Variants in NAALADL2 observed in about 807,000 individuals in gnomAD.
The protein encoded by NAALADL2 is N-acetylated alpha-linked acidic dipeptidase like 2, also known as inactive N-acetylated-alpha-linked acidic dipeptidase-like protein 2.
NAALADL2 carries 76 observed loss-of-function variants against 87.2 expected under a neutral mutation model. The ratio of observed to expected loss-of-function variants is 0.87; its 90% CI spans 0.72 to 1.05. The LOEUF (loss-of-function observed/expected upper bound fraction) is 1.05, where lower values mean the gene tolerates loss of function less well. NAALADL2 is among the 50% of genes least tolerant of loss of function. The pLI, the probability that NAALADL2 is intolerant of heterozygous loss-of-function variation, is 0.00. For synonymous variants in NAALADL2, 354 were observed against 331.0 expected, an observed-to-expected ratio of 1.07 and a Z score of -0.75; for missense variants, 1,089 against 945.8, an observed-to-expected ratio of 1.15 and a Z score of -1.99.
chr3:175,037,769 G>T (rs930594819), intron 1 of NAALADL2, among the ~76,000 whole-genome samples: 2 of 152,046 alleles, frequency 1.3e-5, no homozygotes, highest in African/African-American at 2.4e-5. Flanking sequence ...TAGTTCTAAG[G>T]GGGTGGCTGG....
At chr3:175,469,247 G>A (rs1724533281) in intron 8 of NAALADL2, among the ~76,000 whole-genome samples, 1 of 152,048 alleles carries the variant, frequency 6.6e-6, no homozygotes, top group South Asian at 2.1e-4. Context: ...AATTCATGAA[G>A]CCATTTTGTA....
At chr3:175,156,287 T>C (rs985821056) in intron 2 of NAALADL2, among the ~76,000 whole-genome samples, 1 of 124,896 alleles carries the variant, frequency 8.0e-6, no homozygotes, top group African/African-American at 2.6e-5. Flanking sequence ...GCATGTTAGA[T>C]TTCATGTTCT....
chr3:175,803,304 C>CT lies in NAALADL2; in HGVS notation c.*106dup, dbSNP rs2108362091. 4.2e-6 allele frequency: 3 copies of CT among 708,388 alleles called. No individual in the cohort carries two copies. The highest frequency in any genetic ancestry group is 2.9e-4 in the Middle Eastern group (1 of 3,488). 43.9% of individuals were successfully genotyped at this position (708,388 alleles called of 1,614,324 possible). A position where few individuals can be genotyped will look rare whatever the true frequency, so the allele number is the denominator to read the frequency against. Reference sequence around the variant, plus strand: ...ATTGAAGGCTTATTTTCCCCAATGGCTTTTTGACAAGTATAAAGCTATTAT... The same window carrying CT: ...ATTGAAGGCTTATTTTCCCCAATGGCTTTTTTGACAAGTATAAAGCTATTAT... On this transcript the variant is annotated 3_prime_UTR_variant, in exon 14 of 14. Transcript: ENST00000454872.
intron 2 of NAALADL2, among the ~76,000 whole-genome samples, chr3:175,118,844 A>G (rs1307619461): frequency 6.6e-6 from 1 of 151,720 alleles, no homozygotes; most frequent in African/African-American, 2.4e-5. Context: ...GGGGCTTCTT[A>G]GACTCAAAAT....
intron 5 of NAALADL2, among the ~76,000 whole-genome samples, chr3:175,329,735 T>C (rs146816029): frequency 1.6e-4 from 25 of 152,340 alleles, no homozygotes; most frequent in Admixed American, 1.6e-3. Context: ...TTCAACTTGA[T>C]TCTTAGAACC....
At chr3:174,556,067 C>T (rs1712778703) in intron 2 of NAALADL2, among the ~76,000 whole-genome samples, 1 of 151,546 alleles carries the variant, frequency 6.6e-6, no homozygotes, top group Non-Finnish European at 1.5e-5. Flanking sequence ...TTCATACATA[C>T]AGATATAGAT....
intron 9 of NAALADL2, among the ~76,000 whole-genome samples, chr3:175,555,061 T>C (rs1715036483): frequency 1.3e-5 from 2 of 152,220 alleles, no homozygotes; most frequent in African/African-American, 4.8e-5. Flanking sequence ...AGATTGCAAG[T>C]ACTTTCCAAG....
intron 2 of NAALADL2, among the ~76,000 whole-genome samples, chr3:174,735,366 C>T (rs1733096013): frequency 6.6e-6 from 1 of 152,138 alleles, no homozygotes; most frequent in African/African-American, 2.4e-5. Context: ...TTTCTGTTTT[C>T]ATTCTAATTT....
intron 4 of NAALADL2, among the ~76,000 whole-genome samples, chr3:175,293,126 G>A (rs1755876737): frequency 6.6e-6 from 1 of 151,400 alleles, no homozygotes; most frequent in African/African-American, 2.4e-5. Flanking sequence ...AAGTCTAGTA[G>A]GGGAAGATAT....
At chr3:174,527,946 C>A (rs1277866597) in intron 1 of NAALADL2, among the ~76,000 whole-genome samples, 1 of 152,112 alleles carries the variant, frequency 6.6e-6, no homozygotes, top group African/African-American at 2.4e-5. Context: ...TGGCTCAACA[C>A]CAGTTTTGGT....
At chr3:175,745,390 G>T (rs1745784587) in intron 12 of NAALADL2, among the ~76,000 whole-genome samples, 1 of 152,140 alleles carries the variant, frequency 6.6e-6, no homozygotes, top group Admixed American at 6.6e-5. Context: ...GAATACAGTT[G>T]TCCCTCAGTA....
intron 2 of NAALADL2, among the ~76,000 whole-genome samples, chr3:174,722,831 T>C (rs1338109791): frequency 6.6e-6 from 1 of 152,224 alleles, no homozygotes; most frequent in African/African-American, 2.4e-5. Flanking sequence ...AAAAACAACA[T>C]AATTACCTTG....
intron 11 of NAALADL2, among the ~76,000 whole-genome samples, chr3:175,695,932 T>C (rs1226280855): frequency 6.6e-6 from 1 of 152,106 alleles, no homozygotes; most frequent in African/African-American, 2.4e-5. Flanking sequence ...TAGAAAAGGA[T>C]GAAGCTGATA....
rs540670037 is a variant in NAALADL2 at position 174,863,223 on chromosome 3, G to T, written c.43+3773G>T. Among the ~76,000 whole-genome samples the T allele has an allele frequency of 4.6e-5, 7 of 152,204 alleles. No individual in the cohort carries two copies. The South Asian group carries it at 1.5e-3, about 32-fold the overall frequency. ...TAACCTGCTGCTCAAAACTGCGTTTGCTGCAGTTTTACGGAAGAATTTGGT... is the reference window on the plus strand; with the variant it reads ...TAACCTGCTGCTCAAAACTGCGTTTTCTGCAGTTTTACGGAAGAATTTGGT... On this transcript the variant is annotated intron_variant, in intron 1 of 13. Coordinates refer to ENST00000454872, the MANE Select transcript of NAALADL2 (RefSeq NM_207015.3).
chr3:175,070,118 T>A (rs556575380), intron 1 of NAALADL2, among the ~76,000 whole-genome samples: 1 of 150,794 alleles, frequency 6.6e-6, no homozygotes, highest in Non-Finnish European at 1.5e-5. Context: ...CATATGTAAC[T>A]AACCTGCACA....
intron 11 of NAALADL2, among the ~76,000 whole-genome samples, chr3:175,645,231 C>T (rs1729835408): frequency 6.6e-6 from 1 of 151,832 alleles, no homozygotes; most frequent in Non-Finnish European, 1.5e-5. Flanking sequence ...CAGTGTTTCA[C>T]TATATCATAC....
At chr3:174,792,065 A>T (rs1483168687) in intron 3 of NAALADL2, among the ~76,000 whole-genome samples, 1 of 152,068 alleles carries the variant, frequency 6.6e-6, no homozygotes, top group Non-Finnish European at 1.5e-5. Context: ...AAACAAACAA[A>T]CAAACAAAAA....
intron 2 of NAALADL2, among the ~76,000 whole-genome samples, chr3:174,613,624 G>A (rs1308601334): frequency 6.6e-6 from 1 of 152,162 alleles, no homozygotes; most frequent in East Asian, 1.9e-4. Flanking sequence ...AGTCCCTGGG[G>A]CTCTTCAGTC....
At chr3:175,246,694 C>T (rs150871990) in intron 3 of NAALADL2, among the ~76,000 whole-genome samples, 198 of 152,222 alleles carry the variant, frequency 1.3e-3, no homozygotes, top group Middle Eastern at 3.4e-3. Flanking sequence ...TTCTGCTTTT[C>T]TTTTAATTAC....
Sources: allele counts gnomAD v4.1 joint callset (sites outside exome capture counted in the v4.1 genomes callset), GRCh38; gene constraint gnomAD v4.1.1; transcripts MANE v1.5; gene names NCBI Gene and HGNC (gene_info 2026-07-23, HGNC 2026-07-21).